The following MIER1 variants were observed in gnomAD, a reference collection of about 807,000 sequenced individuals.
MIER1 encodes mesoderm induction early response protein 1.
A neutral mutation model predicts 75.7 loss-of-function variants in MIER1; 40 were observed. That is an observed-to-expected ratio of 0.53 (90% CI 0.41 to 0.69). MIER1 has a LOEUF of 0.69. Among genes scored for constraint, MIER1 ranks in the 30% least tolerant of loss-of-function variants. The pLI, the probability that MIER1 is intolerant of heterozygous loss-of-function variation, is 0.00. For synonymous variants in MIER1, 213 were observed against 223.4 expected, an observed-to-expected ratio of 0.95 and a Z score of 0.42; for missense variants, 574 against 680.2, an observed-to-expected ratio of 0.84 and a Z score of 1.74.
rs554967265 is a variant in MIER1, at chr1:66,969,211, G to T, written c.773-1597G>T. Among the ~76,000 whole-genome samples, 4 of 152,176 alleles carry T rather than the reference G, an allele frequency of 2.6e-5. No homozygotes were observed. The East Asian group carries it at 7.7e-4, about 29-fold the overall frequency. ...GGGAAACAAGGGAAGATAGAAGAAG[G>T]TTTTGAAGTGTGTGTGGGTGAGGGG... On this transcript the variant is annotated intron_variant, in intron 8 of 13. Transcript: ENST00000401041.
intron 2 of MIER1, among the ~76,000 whole-genome samples, chr1:66,937,632 C>T (rs1570838): frequency 0.58 from 88,256 of 152,014 alleles, 27,783 homozygotes; most frequent in East Asian, 0.84. Flanking sequence ...TGAATGTAAG[C>T]TGGATGTACT....
chr1:66,926,114 T>A, intron 1 of MIER1, 28 bp from the exon 2 acceptor site: 1 of 1,568,112 alleles, frequency 6.4e-7, no homozygotes, highest in Non-Finnish European at 8.8e-7. Flanking sequence ...GTCTCCTTGC[T>A]ACTGAGGCTC....
intron 12 of MIER1, 59 bp from the exon 13 acceptor site, chr1:66,981,720 T>C (rs912047306): frequency 2.2e-6 from 3 of 1,394,772 alleles, no homozygotes; most frequent in Non-Finnish European, 2.0e-6. Flanking sequence ...GAATTTAACC[T>C]CAACTAATTT....
Position 66,987,312 on chromosome 1 carries a change from TACATTTCAGA to T in MIER1, c.*2415_*2424del, listed in dbSNP as rs1666906528. Reference sequence around the variant, plus strand: ...TGAATTTAATTTGCTTAAGATTTAGTACATTTCAGAACTTTTGAACTTTTGACAAATTGCA... The same window carrying T: ...TGAATTTAATTTGCTTAAGATTTAGTACTTTTGAACTTTTGACAAATTGCA... On this transcript the variant is annotated 3_prime_UTR_variant, in exon 14 of 14. Coordinates refer to ENST00000401041, the MANE Select transcript of MIER1 (RefSeq NM_001077700.3). 6.5e-6 allele frequency: 1 copy of T among 152,738 alleles called. No individual in the cohort carries two copies. Among genetic ancestry groups the T allele is most frequent in the South Asian group, 2.1e-4 (1 of 4,832 alleles). The allele number at this position is 152,738 out of a possible 1,614,324, so 9.5% of individuals were successfully genotyped here. A position where few individuals can be genotyped will look rare whatever the true frequency, so the allele number is the denominator to read the frequency against.
At chr1:66,959,825 TA>T (rs1660907335) in intron 7 of MIER1, 82 bp downstream of exon 7, 9 of 517,494 alleles carry the variant, frequency 1.7e-5, no homozygotes, top group Admixed American at 3.7e-5. Flanking sequence ...TTTTTTTTAC[TA>T]ACTATGTATA....
rs555749467 is a variant in MIER1 at position 66,950,778 on chromosome 1, C to T, written c.339+4483C>T. Among the ~76,000 whole-genome samples, 41 of 151,724 alleles carry T rather than the reference C, an allele frequency of 2.7e-4. No individual in the cohort carries two copies. In the South Asian group the frequency reaches 8.5e-3, roughly 32 times the overall value. On this transcript the variant is annotated intron_variant, in intron 4 of 13. Transcript: ENST00000401041. Reference sequence around the variant, plus strand: ...AAAGAAGAGTTCAGTGCCTTCATTCCTATATAGTTTTATCTTCTAGTCAAG... The same window carrying T: ...AAAGAAGAGTTCAGTGCCTTCATTCTTATATAGTTTTATCTTCTAGTCAAG...
chr1:66,926,090 G>T, intron 1 of MIER1, 52 bp from the exon 2 acceptor site: 1 of 1,388,194 alleles, frequency 7.2e-7, no homozygotes, highest in Non-Finnish European at 1.0e-6. Context: ...TGGTGAGCTT[G>T]TATCATCGTT....
Position 66,959,698 on chromosome 1 carries a change from A to C in MIER1, c.654A>C (p.Glu218Asp). Residue 218 changes from glutamate to aspartate, a missense_variant, in exon 7 of 14, where the codon GAA (glutamate) becomes GAC (aspartate). This residue lies in a region of MIER1 where 309 missense variants were observed against 352.8 expected (regional missense o/e 0.88). Transcript: ENST00000401041. ...YFDTNSEVEE[E>D]SEEDEDYIPS... ...TTCTAGATAGTGAAGTAGAAGAAGA[A>C]TCTGAAGAAGATGAAGATTATATTC... is the stretch of plus-strand genomic sequence containing the variant. 7.0e-7 allele frequency: 1 copy of C among 1,438,730 alleles called. No homozygotes were observed. 89.1% of individuals were successfully genotyped at this position (1,438,730 alleles called of 1,614,324 possible).
At chr1:66,941,549 G>A (rs900571616) in intron 3 of MIER1, among the ~76,000 whole-genome samples, 1 of 152,048 alleles carries the variant, frequency 6.6e-6, no homozygotes, top group Admixed American at 6.6e-5. Flanking sequence ...AATTTTTGAG[G>A]CATTCATCTG....
At chr1:66,972,356 T>C (rs1663880446) in intron 10 of MIER1, among the ~76,000 whole-genome samples, 2 of 151,248 alleles carry the variant, frequency 1.3e-5, no homozygotes, top group South Asian at 2.1e-4. Context: ...CTTCCCCTCG[T>C]GGTGCTTAGA....
chr1:66,956,466 TTATTTTGAAG>T (rs1479377064), intron 4 of MIER1, among the ~76,000 whole-genome samples: 2 of 152,176 alleles, frequency 1.3e-5, no homozygotes, highest in East Asian at 3.9e-4. Context: ...CTTCTATCTC[TTATTTTGAAG>T]TTTTGTTTTA....
intron 2 of MIER1, chr1:66,930,303 C>G (rs899705415): frequency 1.9e-6 from 3 of 1,571,508 alleles, no homozygotes; most frequent in Non-Finnish European, 2.6e-6. Flanking sequence ...CGGCAGCGGC[C>G]GGAGTCCCGT....
intron 12 of MIER1, 46 bp from the exon 13 acceptor site, chr1:66,981,733 A>G: frequency 1.3e-6 from 2 of 1,483,756 alleles, no homozygotes; most frequent in Non-Finnish European, 1.8e-6. Context: ...ACTAATTTTT[A>G]ATTTTCAGCT....
intron 7 of MIER1, among the ~76,000 whole-genome samples, chr1:66,962,736 T>A (rs1661510079): frequency 1.3e-5 from 2 of 152,230 alleles, no homozygotes; most frequent in African/African-American, 4.8e-5. Context: ...TTAAGACCAC[T>A]GTCTTAAGTG....
At chr1:66,946,434 G>A in intron 4 of MIER1, 139 bp downstream of exon 4, 2 of 1,364,344 alleles carry the variant, frequency 1.5e-6, no homozygotes, top group Admixed American at 3.2e-5. Context: ...GATCATAGGT[G>A]GGATATTTAA....
intron 7 of MIER1, among the ~76,000 whole-genome samples, chr1:66,960,687 AAAT>A (rs1239345921): frequency 6.6e-6 from 1 of 152,160 alleles, no homozygotes; most frequent in South Asian, 2.1e-4. Context: ...TAAAACAAAG[AAAT>A]AATGTTATTT....
At chr1:66,935,558 C>T (rs1156571451) in intron 2 of MIER1, among the ~76,000 whole-genome samples, 1 of 152,018 alleles carries the variant, frequency 6.6e-6, no homozygotes, top group Non-Finnish European at 1.5e-5. Flanking sequence ...CTCATAATTC[C>T]ACAAGATAAT....
chr1:66,955,336 GTTTTTTTTTTTTT>G (rs34006160), intron 4 of MIER1, among the ~76,000 whole-genome samples: 5 of 59,964 alleles, frequency 8.3e-5, no homozygotes, highest in Admixed American at 2.8e-4. Context: ...CATCACCTGA[GTTTTTTTTTTTTT>G]TTTTTTTTTT....
At position 66,959,716 on chromosome 1, in the gene MIER1, T is replaced by G; in HGVS notation, c.672T>G (p.Asp224Glu). The G allele has an allele frequency of 7.0e-7, 1 of 1,435,026 alleles. No homozygotes were observed. Among genetic ancestry groups the G allele is most frequent in the Non-Finnish European group, 9.3e-7 (1 of 1,070,618 alleles). The allele number at this position is 1,435,026 out of a possible 1,614,324, so 88.9% of individuals were successfully genotyped here. ...EVEEESEEDE[D>E]YIPSEDWKKE... ...AAGAAGAATCTGAAGAAGATGAAGA[T>G]TATATTCCATCAGAAGACTGGAAAA... The change falls in exon 7 of 14, where the codon GAT (aspartate) becomes GAG (glutamate). Residue 224 changes from aspartate to glutamate, a missense_variant. Transcript: ENST00000401041.
Sources: gnomAD v4.1 joint callset for allele counts (sites outside exome capture counted in the v4.1 genomes callset) on GRCh38, gnomAD v4.1.1 for gene constraint, gnomAD v4.1.1 regional missense constraint, MANE v1.5 for transcripts, NCBI Gene and HGNC (gene_info 2026-07-23, HGNC 2026-07-21) for gene names.